CAMK1G: variants seen among roughly 807,000 people sequenced by gnomAD.
CAMK1G encodes the protein calcium/calmodulin dependent protein kinase IG, also known as calcium/calmodulin-dependent protein kinase type 1G.
In CAMK1G, 27 loss-of-function variants were observed where a neutral mutation model predicts 54.8. The ratio of observed to expected loss-of-function variants is 0.49; its 90% CI spans 0.36 to 0.68. CAMK1G has a LOEUF of 0.68. Ranked by LOEUF, CAMK1G falls within the 30% of genes least tolerant of loss-of-function variation. The pLI is 0.00. For missense variants in CAMK1G, 512 were observed against 591.0 expected (o/e 0.87, Z 1.39); for synonymous variants, 238 against 224.9 (o/e 1.06, Z -0.52).
chr1:209,600,390 A>T (rs558482681), intron 3 of CAMK1G, among the ~76,000 whole-genome samples: 2 of 152,278 alleles, frequency 1.3e-5, no homozygotes, highest in South Asian at 4.1e-4. Flanking sequence ...AACAAAAATC[A>T]ATTGAGGGCC....
intron 1 of CAMK1G, among the ~76,000 whole-genome samples, chr1:209,589,511 A>G (rs1483949435): frequency 6.6e-6 from 1 of 152,168 alleles, no homozygotes; most frequent in Non-Finnish European, 1.5e-5. Context: ...TATAAAGAAT[A>G]CATCCACCCA....
chr1:209,606,238 C>T, intron 5 of CAMK1G, 82 bp from the exon 6 acceptor site: 1 of 1,553,988 alleles, frequency 6.4e-7, no homozygotes, highest in Non-Finnish European at 8.8e-7. Flanking sequence ...GGCTCATCTT[C>T]CTGTGAAATT....
intron 6 of CAMK1G, among the ~76,000 whole-genome samples, chr1:209,607,120 T>C (rs996288053): frequency 3.9e-5 from 6 of 152,134 alleles, no homozygotes; most frequent in Admixed American, 2.0e-4. Context: ...TGCAGTTGGG[T>C]AATGGGAAGC....
intron 2 of CAMK1G, among the ~76,000 whole-genome samples, chr1:209,597,808 G>A (rs1665426494): frequency 6.6e-6 from 1 of 152,158 alleles, no homozygotes; most frequent in Admixed American, 6.5e-5. Flanking sequence ...CAGGGTCAAG[G>A]ATGGCTCAGC....
rs780067705 is a variant in CAMK1G, at chr1:209,612,800, G to A, written c.1356G>A (p.Glu452=). The change falls in exon 12 of 13, where the codon GAG becomes GAA. Residue 452 remains glutamate, a synonymous_variant. Transcript: ENST00000361322. ...KANKKQNFKS[E]VMVPVKASGS... ...TCCTTTCTAGGAACTTCAAGTCGGA[G>A]GTCATGGTACCAGTTAAAGCCAGTG... 2.5e-6 allele frequency: 4 copies of A among 1,614,010 alleles called. No homozygotes were observed. The highest frequency in any genetic ancestry group is 3.4e-6 in the Non-Finnish European group (4 of 1,180,000).
chr1:209,595,866 T>C (rs927706794), intron 2 of CAMK1G, among the ~76,000 whole-genome samples: 4 of 152,224 alleles, frequency 2.6e-5, no homozygotes, highest in African/African-American at 9.6e-5. Flanking sequence ...AGAGACAGTT[T>C]GTCTGGAACT....
rs1365114369 is a variant in CAMK1G, at chr1:209,607,887, A to G, written c.589A>G (p.Ser197Gly). 1 of 1,613,738 alleles carries G rather than the reference A, an allele frequency of 6.2e-7. No individual in the cohort carries two copies. The highest frequency in any genetic ancestry group is 8.5e-7 in the Non-Finnish European group (1 of 1,179,838). ...APEVLAQKPY[S>G]KAVDCWSIGV... ...AGAAGTGCTGGCCCAGAAACCCTAC[A>G]GCAAGGCTGTGGATTGCTGGTCCAT... The change falls in exon 7 of 13, where the codon AGC becomes GGC. Residue 197 changes from serine to glycine, a missense_variant. Ser to Gly is a moderately conservative substitution (Grantham distance 56). This residue lies in a region of CAMK1G where 11 missense variants were observed against 29.1 expected (regional missense o/e 0.38). Transcript: ENST00000361322.
chr1:209,612,468 C>T (rs1665807086), intron 11 of CAMK1G, among the ~76,000 whole-genome samples: 1 of 152,158 alleles, frequency 6.6e-6, no homozygotes, highest in Non-Finnish European at 1.5e-5. Context: ...AGTCTATTTA[C>T]CCAATTAGCC....
rs752297296 is a variant in CAMK1G, at chr1:209,606,436, C to T, written c.552C>T (p.Gly184=). 1 of 1,613,802 alleles carries T rather than the reference C, an allele frequency of 6.2e-7. No homozygotes were observed. Among genetic ancestry groups the T allele is most frequent in the South Asian group, 1.1e-5 (1 of 91,024 alleles). The change falls in exon 6 of 13, where the codon GGC becomes GGT. Residue 184 remains glycine (G), a synonymous_variant. Transcript: ENST00000361322. ...GIMSTACGTP[G]YVAPEVLAQK... is the part of the protein sequence containing the mutation. ...TGTCCACTGCCTGTGGGACCCCAGG[C>T]TACGTGGGTAAGTCTGGGAGCAGGA...
At chr1:209,597,718 A>C (rs1665424820) in intron 2 of CAMK1G, among the ~76,000 whole-genome samples, 2 of 152,226 alleles carry the variant, frequency 1.3e-5, no homozygotes, top group Non-Finnish European at 2.9e-5. Context: ...GGAAACACCA[A>C]GTAATTTCTA....
At chr1:209,606,787 G>A (rs1665660907) in intron 6 of CAMK1G, among the ~76,000 whole-genome samples, 1 of 152,176 alleles carries the variant, frequency 6.6e-6, no homozygotes, top group Non-Finnish European at 1.5e-5. Context: ...AGAGCTGAGG[G>A]GTTGAGCACC....
At chr1:209,595,098 C>T (rs770091121) in intron 2 of CAMK1G, 23 bp downstream of exon 2, 3 of 1,587,176 alleles carry the variant, frequency 1.9e-6, no homozygotes, top group Admixed American at 1.7e-5. Flanking sequence ...GCTGTGAGGT[C>T]GGGTGGGCTG....
chr1:209,611,318 A>C (rs10746421), intron 9 of CAMK1G, 147 bp from the exon 10 acceptor site: 456,905 of 677,530 alleles, frequency 0.67, 157,089 homozygotes, highest in African/African-American at 0.92. Context: ...CACAGAGGAG[A>C]CCTGCTTGCA....
At chr1:209,611,737 C>T in intron 10 of CAMK1G, 55 bp from the exon 11 acceptor site, 1 of 1,584,300 alleles carries the variant, frequency 6.3e-7, no homozygotes, top group Non-Finnish European at 8.6e-7. Flanking sequence ...AAAGTTTAAG[C>T]TCCAAGGCCC....
At position 209,603,219 on chromosome 1, in the gene CAMK1G, A is replaced by G; in HGVS notation, c.227A>G (p.Lys76Arg). The G allele has an allele frequency of 1.2e-6, 2 of 1,614,136 alleles. No homozygotes were observed. Among genetic ancestry groups the G allele is most frequent in the Non-Finnish European group, 8.5e-7 (1 of 1,179,990 alleles). The stretch of plus-strand genomic sequence containing the variant: ...ATGCACTTTATTTTTCCCAGGATCA[A>G]GCATGAAAACATTGTGACCCTGGAG... The part of the protein sequence containing the change: ...ENEIAVLKKI[K>R]HENIVTLEDI... Residue 76 changes from lysine to arginine, a missense_variant, in exon 4 of 13, where the codon AAG becomes AGG. Coordinates refer to ENST00000361322, the MANE Select transcript of CAMK1G (RefSeq NM_020439.3).
chr1:209,603,356 G>T, intron 4 of CAMK1G, 68 bp downstream of exon 4: 3 of 1,294,496 alleles, frequency 2.3e-6, no homozygotes, highest in South Asian at 1.2e-5. Flanking sequence ...CAGGAGGTTG[G>T]TCGCTGGTGA....
intron 1 of CAMK1G, among the ~76,000 whole-genome samples, chr1:209,594,644 C>G (rs1006409969): frequency 6.6e-6 from 1 of 152,176 alleles, no homozygotes; most frequent in Non-Finnish European, 1.5e-5. Flanking sequence ...ACAGGACATG[C>G]CTGAGCTGAG....
intron 1 of CAMK1G, among the ~76,000 whole-genome samples, chr1:209,591,157 C>G (rs75177843): frequency 1.3e-5 from 2 of 152,032 alleles, no homozygotes; most frequent in Non-Finnish European, 2.9e-5. Context: ...CCTTGTGTAC[C>G]GTGCCCTCGA....
chr1:209,606,603 T>C (rs554990333), intron 6 of CAMK1G, among the ~76,000 whole-genome samples, 160 bp downstream of exon 6: 85 of 152,276 alleles, frequency 5.6e-4, no homozygotes, highest in South Asian at 1.9e-3. Flanking sequence ...AATTCATCCG[T>C]CTCAGGATCT....
Sources: gnomAD v4.1 joint callset for allele counts (sites outside exome capture counted in the v4.1 genomes callset) on GRCh38, gnomAD v4.1.1 for gene constraint, gnomAD v4.1.1 regional missense constraint, MANE v1.5 for transcripts, NCBI Gene and HGNC (gene_info 2026-07-23, HGNC 2026-07-21) for gene names.